The following CPNE7 variants were observed in gnomAD, a reference collection of about 807,000 sequenced individuals.
CPNE7 encodes the protein copine-7.
A neutral mutation model predicts 66.5 loss-of-function variants in CPNE7; 78 were observed. The observed-to-expected ratio is 1.17, with a 90% CI of 0.98 to 1.42. The LOEUF (loss-of-function observed/expected upper bound fraction) is 1.42, where lower values mean the gene tolerates loss of function less well. CPNE7 is among the 40% of genes most tolerant of loss of function. The probability of loss-of-function intolerance (pLI) is 0.00; values close to 1 mark genes in which losing one functional copy is unlikely to be tolerated. For synonymous variants in CPNE7, 468 were observed against 336.7 expected (o/e 1.39, Z -4.27); for missense variants, 1,012 against 776.6 (o/e 1.30, Z -3.60).
chr16:89,591,782 C>T (rs985239164), intron 13 of CPNE7, among the ~76,000 whole-genome samples: 1 of 152,086 alleles, frequency 6.6e-6, no homozygotes, highest in Non-Finnish European at 1.5e-5. Context: ...TCACTGCAAC[C>T]TCTGCTTCCC....
chr16:89,594,242 C>G (rs2059217917), intron 13 of CPNE7: 1 of 152,144 alleles, frequency 6.6e-6, no homozygotes, highest in African/African-American at 2.4e-5. Flanking sequence ...GGGGGGCTTT[C>G]TGAGGCTGGG....
Position 89,575,905 on chromosome 16 carries a change from C to T in CPNE7, c.8C>T (p.Ala3Val), listed in dbSNP as rs1478849390. 9 of 1,234,416 alleles carry T rather than the reference C, an allele frequency of 7.3e-6. No individual in the cohort carries two copies. The highest frequency in any genetic ancestry group is 8.1e-6 in the Non-Finnish European group (8 of 987,726). The allele number at this position is 1,234,416 out of a possible 1,614,324, so 76.5% of individuals were successfully genotyped here. A position where few individuals can be genotyped will look rare whatever the true frequency, so the allele number is the denominator to read the frequency against. ...CCCCCGAACGCCGGGAGCATGAGCGCGGGCTCGGAGCGCGGGGCGGCGGCA... is the reference window on the plus strand; with the variant it reads ...CCCCCGAACGCCGGGAGCATGAGCGTGGGCTCGGAGCGCGGGGCGGCGGCA... MSAGSERGAAATP... is the reference protein window; with the variant it reads MSVGSERGAAATP... The change falls in exon 1 of 15, where the codon GCG becomes GTG. Residue 3 changes from alanine to valine, a missense_variant. Ala to Val is a moderately conservative substitution (Grantham distance 64). Transcript: ENST00000319518.
chr16:89,588,502 T>C (rs2059119627), intron 9 of CPNE7, among the ~76,000 whole-genome samples, 173 bp from the exon 10 acceptor site: 2 of 152,112 alleles, frequency 1.3e-5, no homozygotes, highest in Admixed American at 6.5e-5. Context: ...AGGAGACCTC[T>C]CCTGGCCCTG....
At position 89,591,045 on chromosome 16, in the gene CPNE7, C is replaced by T. The variant is rs376054672; in HGVS notation, c.1155C>T (p.Asp385=). 11 of 1,613,370 alleles carry T rather than the reference C, an allele frequency of 6.8e-6. No individual in the cohort carries two copies. The highest frequency in any genetic ancestry group is 3.3e-5 in the South Asian group (3 of 91,076). The change falls in exon 12 of 15, where the codon GAC becomes GAT. Residue 385 remains aspartate, a synonymous_variant. Coordinates refer to ENST00000319518, the MANE Select transcript of CPNE7 (RefSeq NM_153636.3). The part of the protein sequence containing the change: ...HDFAINFNPE[D]DECEGIQGVV... The stretch of plus-strand genomic sequence containing the variant: ...TTGCCATCAATTTCAACCCTGAGGA[C>T]GATGAGTGTGAAGGTAGGAGCTCGA...
rs1405979452 is a variant in CPNE7 at position 89,596,601 on chromosome 16, A to G, written c.1657A>G (p.Ser553Gly). 2 of 1,604,884 alleles carry G rather than the reference A, an allele frequency of 1.2e-6. No individual in the cohort carries two copies. Among genetic ancestry groups the G allele is most frequent in the Non-Finnish European group, 1.7e-6 (2 of 1,178,912 alleles). The change falls in exon 15 of 15, where the codon AGC becomes GGC. Residue 553 changes from serine (S) to glycine (G), a missense_variant. Transcript: ENST00000319518. ...RSLGVPAGEA[S>G]PGCTP ...CCTGGGTGTCCCTGCCGGAGAGGCC[A>G]GCCCAGGCTGCACACCGTGAAGATG...
intron 13 of CPNE7, among the ~76,000 whole-genome samples, chr16:89,592,642 C>T (rs1243208443): frequency 6.7e-6 from 1 of 149,452 alleles, no homozygotes; most frequent in Non-Finnish European, 1.5e-5. Flanking sequence ...CGGGGTTTCA[C>T]AGTCTTGGCC....
In CPNE7 at chr16:89,584,752, C is replaced by T; in HGVS notation, c.508-22C>T. 1 of 1,595,768 alleles carries T rather than the reference C, an allele frequency of 6.3e-7. No homozygotes were observed. Among genetic ancestry groups the T allele is most frequent in the Non-Finnish European group, 8.6e-7 (1 of 1,165,246 alleles). On this transcript the variant is annotated intron_variant, in intron 4 of 14. Coordinates refer to ENST00000319518, the MANE Select transcript of CPNE7 (RefSeq NM_153636.3). The surrounding 1 kb of genome is among the most constrained non-coding windows in gnomAD (Gnocchi z 6.0). ...CCCGATCTCACAGTGCCTGGCCCAG[C>T]AGCCCTTGTGCCTCTCCCCAGGACC... is the stretch of plus-strand genomic sequence containing the variant.
intron 7 of CPNE7, 80 bp from the exon 8 acceptor site, chr16:89,586,590 G>T: frequency 1.7e-6 from 2 of 1,166,894 alleles, no homozygotes; most frequent in Non-Finnish European, 2.5e-6. Context: ...CGTCGCTATT[G>T]GGGATGGTCT....
At chr16:89,588,202 ACCCGCGTGTCACCCACAGATACACG>A (rs2059111957) in intron 9 of CPNE7, among the ~76,000 whole-genome samples, 1 of 13,746 alleles carries the variant, frequency 7.3e-5, no homozygotes. Context: ...CCCCCGTGTC[ACCCGCGTGTCACCCACAGATACACG>A]GCCCCCGTGT....
chr16:89,577,793 A>G, intron 2 of CPNE7, 72 bp downstream of exon 2: 1 of 1,484,490 alleles, frequency 6.7e-7, no homozygotes, highest in Non-Finnish European at 9.1e-7. Flanking sequence ...AGGCTGATGT[A>G]CCAGCACCGC....
At position 89,591,189 on chromosome 16, in the gene CPNE7, A is replaced by G. The variant is rs765359963; in HGVS notation, c.1231A>G (p.Thr411Ala). Reference sequence around the variant, plus strand: ...GCCCAGGGTCCAGCTCTACGGCCCCACCAACGTGGCGCCCATCATCTCCAA... The same window carrying G: ...GCCCAGGGTCCAGCTCTACGGCCCCGCCAACGTGGCGCCCATCATCTCCAA... Reference protein sequence around the residue: ...CLPRVQLYGPTNVAPIISKVA... With the variant: ...CLPRVQLYGPANVAPIISKVA... The change falls in exon 13 of 15, where the codon ACC becomes GCC. Residue 411 changes from threonine (T) to alanine (A), a missense_variant. Physicochemically the swap from Thr to Ala is moderately conservative, Grantham distance 58. Transcript: ENST00000319518. 1 of 1,600,322 alleles carries G rather than the reference A, an allele frequency of 6.2e-7. No homozygotes were observed. Among genetic ancestry groups the G allele is most frequent in the Admixed American group, 1.7e-5 (1 of 57,472 alleles).
Position 89,595,583 on chromosome 16 carries a change from C to G in CPNE7, c.1519C>G (p.Pro507Ala). The G allele has an allele frequency of 1.9e-6, 3 of 1,605,354 alleles. No individual in the cohort carries two copies. Among genetic ancestry groups the G allele is most frequent in the Non-Finnish European group, 2.6e-6 (3 of 1,174,270 alleles). ...PALRDIVQFV[P>A]FRELKNASPA... is the part of the protein sequence containing the mutation. ...GCTCCGGGACATCGTACAGTTCGTG[C>G]CCTTCCGGGAGCTCAAGAACGTGAG... Residue 507 changes from proline (P) to alanine (A), a missense_variant, in exon 14 of 15, where the codon CCC becomes GCC. Pro to Ala is a conservative substitution (Grantham distance 27, BLOSUM62 -1). Coordinates refer to ENST00000319518, the MANE Select transcript of CPNE7 (RefSeq NM_153636.3).
Position 89,588,800 on chromosome 16 carries a change from C to G in CPNE7, c.1053C>G (p.Asp351Glu), listed in dbSNP as rs759716313. 2.5e-6 allele frequency: 4 copies of G among 1,613,258 alleles called. No homozygotes were observed. The highest frequency in any genetic ancestry group is 3.4e-6 in the Non-Finnish European group (4 of 1,179,874). ...ALVSVGEICQ[D>E]YDSDKRFSAL... ...TGTCCGTGGGCGAGATCTGCCAGGACTATGACAGGTGCGCCCACCACCTTC... is the reference window on the plus strand; with the variant it reads ...TGTCCGTGGGCGAGATCTGCCAGGAGTATGACAGGTGCGCCCACCACCTTC... Residue 351 changes from aspartate (D) to glutamate (E), a missense_variant, in exon 10 of 15, where the codon GAC becomes GAG. Physicochemically the swap from Asp to Glu is conservative, Grantham distance 45. Transcript: ENST00000319518.
chr16:89,583,496 A>G lies in CPNE7; in HGVS notation c.358-201A>G, dbSNP rs1186272892. On this transcript the variant is annotated intron_variant, in intron 2 of 14. Coordinates refer to ENST00000319518, the MANE Select transcript of CPNE7 (RefSeq NM_153636.3). Reference sequence around the variant, plus strand: ...GACTGCTGGCGCCGTGAGGTGGTGGACGTGCAGGGGTGGCCACACGCAGGG... The same window carrying G: ...GACTGCTGGCGCCGTGAGGTGGTGGGCGTGCAGGGGTGGCCACACGCAGGG... 1.4e-5 allele frequency: 22 copies of G among 1,555,940 alleles called. No homozygotes were observed. The highest frequency in any genetic ancestry group is 1.2e-4 in the Admixed American group (6 of 51,300).
intron 11 of CPNE7, 137 bp downstream of exon 11, chr16:89,590,088 G>A: frequency 1.0e-6 from 1 of 980,614 alleles, no homozygotes; most frequent in Non-Finnish European, 1.5e-6. Context: ...GTGCAAAGCG[G>A]GAACCCCAGC....
chr16:89,582,436 G>A (rs1176631248), intron 2 of CPNE7, among the ~76,000 whole-genome samples: 1 of 152,232 alleles, frequency 6.6e-6, no homozygotes, highest in Non-Finnish European at 1.5e-5. Flanking sequence ...AGAAAGGGGA[G>A]GCCACTCCTT....
At chr16:89,592,158 A>C (rs1386882371) in intron 13 of CPNE7, among the ~76,000 whole-genome samples, 2 of 143,866 alleles carry the variant, frequency 1.4e-5, no homozygotes, top group Non-Finnish European at 3.0e-5. Context: ...ACAGGCGCCC[A>C]CCATCATGCC....
chr16:89,589,047 T>C (rs1327667979), intron 10 of CPNE7, among the ~76,000 whole-genome samples: 2 of 152,128 alleles, frequency 1.3e-5, no homozygotes, highest in Non-Finnish European at 1.5e-5. Context: ...ATCCCAGCAT[T>C]TTGGGAGGCC....
chr16:89,578,016 C>A (rs566659426), intron 2 of CPNE7, among the ~76,000 whole-genome samples: 1 of 152,116 alleles, frequency 6.6e-6, no homozygotes, highest in African/African-American at 2.4e-5. Context: ...GAGATTTTCA[C>A]AGGAGCAAAC....
Sources: gnomAD v4.1 joint callset for allele counts (sites outside exome capture counted in the v4.1 genomes callset) on GRCh38, gnomAD v4.1.1 for gene constraint, Gnocchi (gnomAD v3.1) non-coding constraint, MANE v1.5 for transcripts, NCBI Gene and HGNC (gene_info 2026-07-23, HGNC 2026-07-21) for gene names.